Variants in ARSJ observed in about 807,000 individuals in gnomAD.
ARSJ encodes arylsulfatase J.
Under a neutral mutation model 35.9 loss-of-function variants are expected in ARSJ, and 26 were observed. The ratio of observed to expected loss-of-function variants is 0.72; its 90% CI spans 0.53 to 1.00. ARSJ has a LOEUF of 1.00. Ranked by LOEUF, ARSJ falls within the 50% of genes least tolerant of loss-of-function variation. The probability of loss-of-function intolerance (pLI) is 0.00; values close to 1 mark genes in which losing one functional copy is unlikely to be tolerated. For missense variants in ARSJ, 667 were observed against 723.6 expected, an observed-to-expected ratio of 0.92 and a Z score of 0.90; for synonymous variants, 294 against 267.6, an observed-to-expected ratio of 1.10 and a Z score of -0.96.
chr4:113,935,782 T>G (rs1724730501), intron 1 of ARSJ, among the ~76,000 whole-genome samples: 1 of 151,854 alleles, frequency 6.6e-6, no homozygotes, highest in South Asian at 2.1e-4. Flanking sequence ...TAACCAGAAG[T>G]GGGTCAGATG....
chr4:113,934,256 G>A (rs1481707147), intron 1 of ARSJ, among the ~76,000 whole-genome samples: 1 of 151,658 alleles, frequency 6.6e-6, no homozygotes, highest in Non-Finnish European at 1.5e-5. Flanking sequence ...ACTGCTGGGT[G>A]TATACTCAAT....
intron 1 of ARSJ, among the ~76,000 whole-genome samples, chr4:113,955,936 A>G (rs1225331798): frequency 6.6e-6 from 1 of 152,090 alleles, no homozygotes; most frequent in African/African-American, 2.4e-5. Context: ...ATATTTTATG[A>G]GGTCATATTT....
At position 113,973,926 on chromosome 4, in the gene ARSJ, T is replaced by A. The variant is rs188698318; in HGVS notation, c.398+4511A>T. Among the ~76,000 whole-genome samples the A allele has an allele frequency of 1.6e-4, 24 of 152,258 alleles. No homozygotes were observed. In the East Asian group the frequency reaches 4.6e-3, roughly 29 times the overall value. ...TATAGTAGTTAAGAGAACATAGCAT[T>A]GACACAACAAATCGATAGCGAAAAC... On this transcript the variant is annotated intron_variant, in intron 1 of 1. Transcript: ENST00000315366.
chr4:113,974,933 G>A (rs908792597), intron 1 of ARSJ, among the ~76,000 whole-genome samples: 3 of 152,158 alleles, frequency 2.0e-5, no homozygotes, highest in Non-Finnish European at 4.4e-5. Context: ...TCTATTAACA[G>A]TAGAATGGGT....
At chr4:113,922,658 A>G (rs1036899537) in intron 1 of ARSJ, among the ~76,000 whole-genome samples, 1 of 152,204 alleles carries the variant, frequency 6.6e-6, no homozygotes, top group Non-Finnish European at 1.5e-5. Context: ...AGATAGCATC[A>G]AAAAGATTTA....
chr4:113,907,610 TAAAGA>T (rs1194641373), intron 1 of ARSJ, among the ~76,000 whole-genome samples: 1 of 151,458 alleles, frequency 6.6e-6, no homozygotes, highest in Non-Finnish European at 1.5e-5. Context: ...TGAAAAAAAG[TAAAGA>T]AAAGAAAGAA....
chr4:113,915,035 C>T (rs1442980746), intron 1 of ARSJ, among the ~76,000 whole-genome samples: 1 of 152,130 alleles, frequency 6.6e-6, no homozygotes, highest in Non-Finnish European at 1.5e-5. Context: ...TGACCAGACT[C>T]CCAAGGCTAC....
At position 113,902,805 on chromosome 4, in the gene ARSJ, G is replaced by A. The variant is rs2099667555; in HGVS notation, c.1269C>T (p.Asp423=). The change falls in exon 2 of 2, where the codon GAC becomes GAT. Residue 423 remains aspartate, a synonymous_variant. Coordinates refer to ENST00000315366, the MANE Select transcript of ARSJ (RefSeq NM_024590.4). ...SPRVDILHNI[D]PIYTKAKNGS... is the part of the protein sequence containing the mutation. The stretch of plus-strand genomic sequence containing the variant: ...CATTTTTTGCCTTGGTGTATATGGG[G>A]TCAATGTTATGCAAAATATCTACTC... The A allele has an allele frequency of 6.2e-7, 1 of 1,614,116 alleles. No homozygotes were observed. Among genetic ancestry groups the A allele is most frequent in the Non-Finnish European group, 8.5e-7 (1 of 1,180,022 alleles).
chr4:113,955,378 G>A (rs377642304), intron 1 of ARSJ, among the ~76,000 whole-genome samples: 36 of 151,458 alleles, frequency 2.4e-4, no homozygotes, highest in Admixed American at 5.9e-4. Flanking sequence ...CTTTTAGGTC[G>A]TAAATTTGCA....
intron 1 of ARSJ, among the ~76,000 whole-genome samples, chr4:113,917,563 A>G (rs1485955433): frequency 3.3e-5 from 5 of 152,218 alleles, no homozygotes; most frequent in East Asian, 1.9e-4. Flanking sequence ...CTAAAAATAA[A>G]TCATTCATCA....
chr4:113,912,838 CATA>C (rs1407157377), intron 1 of ARSJ, among the ~76,000 whole-genome samples: 18 of 151,660 alleles, frequency 1.2e-4, no homozygotes, highest in South Asian at 4.2e-4. Context: ...TTTCTGGGAA[CATA>C]ATAATTGTGG....
intron 1 of ARSJ, among the ~76,000 whole-genome samples, chr4:113,961,907 G>C (rs1218760978): frequency 0.029 from 145 of 4,988 alleles, no homozygotes; most frequent in East Asian, 0.15. Flanking sequence ...CTGTGTGTGT[G>C]TGTGTGTGTG....
intron 1 of ARSJ, among the ~76,000 whole-genome samples, chr4:113,917,231 C>G (rs11098210): frequency 0.71 from 107,596 of 151,940 alleles, 38,882 homozygotes; most frequent in East Asian, 0.81. Flanking sequence ...CTGTTGCCCC[C>G]TTTCCTGTAC....
rs181044313 is a variant in ARSJ at position 113,915,971 on chromosome 4, T to A, written c.399-12296A>T. On this transcript the variant is annotated intron_variant, in intron 1 of 1. Transcript: ENST00000315366. ...CTTATAGACTGGAAAGGACACTAAC[T>A]GGAAAGCTCGCAGTTTTAATCTCAC... 5.2e-4 allele frequency among the ~76,000 whole-genome samples: 79 copies of A among 152,358 alleles called. 1 individual carries two copies. The highest frequency in any genetic ancestry group is 1.6e-3 in the African/African-American group (66 of 41,590).
chr4:113,968,582 A>G (rs945327994), intron 1 of ARSJ, among the ~76,000 whole-genome samples: 1 of 152,210 alleles, frequency 6.6e-6, no homozygotes, highest in Non-Finnish European at 1.5e-5. Context: ...CCTGCTTAGA[A>G]GGAAACAGGA....
At chr4:113,929,271 T>G (rs1034737606) in intron 1 of ARSJ, among the ~76,000 whole-genome samples, 9 of 152,168 alleles carry the variant, frequency 5.9e-5, no homozygotes, top group African/African-American at 2.2e-4. Flanking sequence ...GACTTTAGTC[T>G]AGTTATAGGC....
intron 1 of ARSJ, among the ~76,000 whole-genome samples, chr4:113,969,594 G>C (rs1000857743): frequency 6.6e-6 from 1 of 151,956 alleles, no homozygotes; most frequent in Non-Finnish European, 1.5e-5. Flanking sequence ...TTTTAAGATT[G>C]GTAAGTCAAT....
rs114432985 is a variant in ARSJ, at chr4:113,973,041, C to T, written c.398+5396G>A. Among the ~76,000 whole-genome samples, 877 of 152,274 alleles carry T rather than the reference C, an allele frequency of 5.8e-3. 9 individuals carry two copies. The highest frequency in any genetic ancestry group is 0.019 in the African/African-American group (795 of 41,546). ...CAGGCCTTTCCGGAACCTGATCCCT[C>T]ATTCACAGATGATCCCAGCACTGGC... On this transcript the variant is annotated intron_variant, in intron 1 of 1. Coordinates refer to ENST00000315366, the MANE Select transcript of ARSJ (RefSeq NM_024590.4).
intron 1 of ARSJ, among the ~76,000 whole-genome samples, chr4:113,967,072 G>A (rs927668299): frequency 4.6e-5 from 7 of 152,130 alleles, no homozygotes; most frequent in African/African-American, 1.7e-4. Context: ...ATAGGATAGA[G>A]AAATTTTATT....
Sources: allele counts gnomAD v4.1 joint callset (sites outside exome capture counted in the v4.1 genomes callset), GRCh38; gene constraint gnomAD v4.1.1; transcripts MANE v1.5; gene names NCBI Gene and HGNC (gene_info 2026-07-23, HGNC 2026-07-21).